DDX10: variants seen among roughly 807,000 people sequenced by gnomAD.
DDX10 encodes the protein probable ATP-dependent RNA helicase DDX10.
Under a neutral mutation model 104.3 loss-of-function variants are expected in DDX10, and 74 were observed. That is an observed-to-expected ratio of 0.71 (90% confidence interval 0.59 to 0.86). DDX10 has a LOEUF of 0.86. Ranked by LOEUF, DDX10 falls within the 40% of genes least tolerant of loss-of-function variation. The pLI, the probability that DDX10 is intolerant of heterozygous loss-of-function variation, is 0.00. For synonymous variants in DDX10, 351 were observed against 353.4 expected, an observed-to-expected ratio of 0.99 and a Z score of 0.08; for missense variants, 952 against 1,040.0, an observed-to-expected ratio of 0.92 and a Z score of 1.16.
chr11:108,728,616 G>A (rs539248759), intron 13 of DDX10, among the ~76,000 whole-genome samples: 25 of 148,434 alleles, frequency 1.7e-4, no homozygotes, highest in Non-Finnish European at 2.2e-4. Flanking sequence ...CCAGGCCCAA[G>A]CGATTCTTCT....
intron 16 of DDX10, 55 bp from the exon 17 acceptor site, chr11:108,917,818 G>C: frequency 6.3e-7 from 1 of 1,580,852 alleles, no homozygotes; most frequent in South Asian, 1.1e-5. Context: ...AATAAAACCT[G>C]ATTATTTATC....
intron 13 of DDX10, among the ~76,000 whole-genome samples, chr11:108,727,179 G>GATC (rs2094306347): frequency 6.6e-6 from 1 of 151,910 alleles, no homozygotes; most frequent in Non-Finnish European, 1.5e-5. Flanking sequence ...CATTTTGAAA[G>GATC]CTTTTTATAT....
chr11:108,931,015 C>G (rs768609662), intron 17 of DDX10, among the ~76,000 whole-genome samples: 28 of 152,134 alleles, frequency 1.8e-4, no homozygotes, highest in Non-Finnish European at 3.7e-4. Flanking sequence ...CTCTTCCCTC[C>G]AACAACATTT....
chr11:108,733,340 G>A (rs1461030773), intron 13 of DDX10, among the ~76,000 whole-genome samples: 1 of 152,046 alleles, frequency 6.6e-6, no homozygotes, highest in Non-Finnish European at 1.5e-5. Context: ...TTACCTAACG[G>A]ATGCCAGGGA....
intron 17 of DDX10, among the ~76,000 whole-genome samples, chr11:108,923,657 G>C (rs928237937): frequency 3.2e-4 from 48 of 152,316 alleles, no homozygotes; most frequent in African/African-American, 1.0e-3. Flanking sequence ...GTTACAGGTA[G>C]CTAAATAAGC....
chr11:108,858,311 C>G (rs1862898040), intron 16 of DDX10, among the ~76,000 whole-genome samples: 1 of 152,144 alleles, frequency 6.6e-6, no homozygotes, highest in Non-Finnish European at 1.5e-5. Flanking sequence ...GTGATTGTCT[C>G]TCATCACTAG....
intron 13 of DDX10, among the ~76,000 whole-genome samples, chr11:108,724,761 C>T (rs184644656): frequency 6.6e-5 from 10 of 152,124 alleles, no homozygotes; most frequent in East Asian, 1.9e-4. Context: ...GAATTGTTCA[C>T]GTAAGTAGGA....
At chr11:108,767,185 A>G (rs936491374) in intron 13 of DDX10, 1 of 152,172 alleles carries the variant, frequency 6.6e-6, no homozygotes, top group Non-Finnish European at 1.5e-5. Flanking sequence ...CTCTGGACTT[A>G]TCTTACTGAT....
chr11:108,768,563 T>C (rs2094359079), intron 13 of DDX10, among the ~76,000 whole-genome samples: 1 of 152,218 alleles, frequency 6.6e-6, no homozygotes, highest in African/African-American at 2.4e-5. Context: ...TTTTAATTTG[T>C]CTTGCGGCCT....
chr11:108,832,498 C>T (rs182656396), intron 13 of DDX10, among the ~76,000 whole-genome samples: 1 of 152,230 alleles, frequency 6.6e-6, no homozygotes, highest in Non-Finnish European at 1.5e-5. Context: ...GCCAGGAATT[C>T]ATTAGAAATA....
chr11:108,894,034 G>C (rs1399204608), intron 16 of DDX10, among the ~76,000 whole-genome samples: 1 of 152,028 alleles, frequency 6.6e-6, no homozygotes, highest in Admixed American at 6.6e-5. Context: ...GCAGCAAACT[G>C]TAAAGGGATG....
intron 16 of DDX10, among the ~76,000 whole-genome samples, chr11:108,902,849 C>A (rs1863536067): frequency 6.6e-6 from 1 of 151,890 alleles, no homozygotes; most frequent in Admixed American, 6.6e-5. Flanking sequence ...TAATCCTTTC[C>A]ATTTGTTAAG....
intron 13 of DDX10, among the ~76,000 whole-genome samples, chr11:108,808,309 C>T (rs1461372176): frequency 6.9e-6 from 1 of 144,156 alleles, no homozygotes; most frequent in Non-Finnish European, 1.5e-5. Flanking sequence ...AATTTGACCT[C>T]TAAGTCAAAA....
rs192112525 is a variant in DDX10 at position 108,775,674 on chromosome 11, T to C, written c.1965+52212T>C. 6.4e-3 allele frequency among the ~76,000 whole-genome samples: 982 copies of C among 152,358 alleles called. 23 individuals carry two copies. The highest frequency in any genetic ancestry group is 0.04 in the Admixed American group (609 of 15,300). On this transcript the variant is annotated intron_variant, in intron 13 of 17. Coordinates refer to ENST00000322536, the MANE Select transcript of DDX10 (RefSeq NM_004398.4). ...AAAATGTGACTTCAGATACTTATTCTCTATTTTTGTTTTTGTTACTTTCTC... is the reference window on the plus strand; with the variant it reads ...AAAATGTGACTTCAGATACTTATTCCCTATTTTTGTTTTTGTTACTTTCTC...
chr11:108,699,599 C>T (rs1353702827), intron 9 of DDX10, among the ~76,000 whole-genome samples: 1 of 152,136 alleles, frequency 6.6e-6, no homozygotes, highest in Non-Finnish European at 1.5e-5. Context: ...AAAGATGAAG[C>T]AGTAATGTCT....
chr11:108,737,280 TTATCTC>T (rs2094319554), intron 13 of DDX10, among the ~76,000 whole-genome samples: 1 of 152,220 alleles, frequency 6.6e-6, no homozygotes, highest in African/African-American at 2.4e-5. Flanking sequence ...ACAAAAAAGT[TTATCTC>T]TATTAAGCAG....
At chr11:108,745,992 C>A (rs551699512) in intron 13 of DDX10, among the ~76,000 whole-genome samples, 3 of 152,160 alleles carry the variant, frequency 2.0e-5, no homozygotes, top group South Asian at 2.1e-4. Context: ...ACTTGTTCAG[C>A]CATTACCATG....
chr11:108,799,389 A>G (rs1474251512), intron 13 of DDX10, among the ~76,000 whole-genome samples: 5 of 152,208 alleles, frequency 3.3e-5, no homozygotes, highest in South Asian at 2.1e-4. Context: ...ATAACAAACA[A>G]TCTCTCTTCC....
intron 2 of DDX10, among the ~76,000 whole-genome samples, chr11:108,675,310 C>A (rs775338833): frequency 2.3e-4 from 35 of 152,182 alleles, no homozygotes; most frequent in Non-Finnish European, 4.6e-4. Context: ...CACAGAATAA[C>A]TTGTCTCTCT....
Sources: gnomAD v4.1 joint callset for allele counts (sites outside exome capture counted in the v4.1 genomes callset) on GRCh38, gnomAD v4.1.1 for gene constraint, MANE v1.5 for transcripts, NCBI Gene and HGNC (gene_info 2026-07-23, HGNC 2026-07-21) for gene names.